ZNF710: variants seen among roughly 807,000 people sequenced by gnomAD.
The protein encoded by ZNF710 is zinc finger protein 710.
A neutral mutation model predicts 50.6 loss-of-function variants in ZNF710; 13 were observed. That is an observed-to-expected ratio of 0.26 (90% CI 0.17 to 0.41). The LOEUF (loss-of-function observed/expected upper bound fraction) is 0.41, where lower values mean the gene tolerates loss of function less well. Ranked by LOEUF, ZNF710 falls within the 10% of genes least tolerant of loss-of-function variation. ZNF710 has a pLI of 1.00. For synonymous variants in ZNF710, 383 were observed against 397.0 expected, an observed-to-expected ratio of 0.96 and a Z score of 0.42; for missense variants, 721 against 936.6, an observed-to-expected ratio of 0.77 and a Z score of 3.01.
intron 1 of ZNF710, among the ~76,000 whole-genome samples, chr15:90,044,322 C>T (rs887047322): frequency 6.6e-6 from 1 of 152,204 alleles, no homozygotes; most frequent in Admixed American, 6.5e-5. Flanking sequence ...AAGGCAGAGG[C>T]GGATGTGGTC....
rs138502669 is a variant in ZNF710 at position 90,028,225 on chromosome 15, T to C, written c.-29+26611T>C. On this transcript the variant is annotated intron_variant, in intron 1 of 4. Transcript: ENST00000268154. ...TAACATTTGCCATATTTGCTTCATC[T>C]GCACAGGTATATATATTTTTTCCTG... is the stretch of plus-strand genomic sequence containing the variant. Among the ~76,000 whole-genome samples, 1,335 of 152,348 alleles carry C rather than the reference T, an allele frequency of 8.8e-3. 23 individuals are homozygous for C. The highest frequency in any genetic ancestry group is 0.03 in the African/African-American group (1,229 of 41,572).
At chr15:90,021,013 C>G (rs1176666656) in intron 1 of ZNF710, among the ~76,000 whole-genome samples, 1 of 104,728 alleles carries the variant, frequency 9.5e-6, no homozygotes, top group Non-Finnish European at 2.3e-5. Flanking sequence ...TGTGGCACCC[C>G]CCCCCCCTTA....
intron 1 of ZNF710, among the ~76,000 whole-genome samples, chr15:90,014,778 C>G (rs1413419296): frequency 6.6e-6 from 1 of 152,020 alleles, no homozygotes; most frequent in Non-Finnish European, 1.5e-5. Flanking sequence ...AGGAGTCTCC[C>G]AGTTCTCAAA....
chr15:90,077,528 G>A (rs1431229575), intron 4 of ZNF710, among the ~76,000 whole-genome samples: 1 of 152,146 alleles, frequency 6.6e-6, no homozygotes, highest in African/African-American at 2.4e-5. Context: ...ACAGGCATGA[G>A]CCACTGCGCC....
chr15:90,011,964 T>C (rs1451388021), intron 1 of ZNF710, among the ~76,000 whole-genome samples: 1 of 152,168 alleles, frequency 6.6e-6, no homozygotes, highest in Admixed American at 6.5e-5. Context: ...CCCAGCACTT[T>C]GGGAGGCTGA....
In ZNF710 at chr15:90,010,939, T is replaced by G. The variant is rs1381129884; in HGVS notation, c.-29+9325T>G. On this transcript the variant is annotated intron_variant, in intron 1 of 4. Coordinates refer to ENST00000268154, the MANE Select transcript of ZNF710 (RefSeq NM_198526.4). ...GTTGTTGGTTTTTTGTTTTTTTTTT[T>G]TTTTTTTTTGAGACGGAGTCTCACT... Among the ~76,000 whole-genome samples the G allele has an allele frequency of 2.0e-3, 295 of 145,642 alleles. 1 individual carries two copies. The highest frequency in any genetic ancestry group is 7.0e-3 in the African/African-American group (279 of 39,796).
rs1899362229 is a variant in ZNF710, at chr15:90,043,433, A to G, written c.-28-23677A>G. Among the ~76,000 whole-genome samples, 3 of 152,238 alleles carry G rather than the reference A, an allele frequency of 2.0e-5. No individual in the cohort carries two copies. The South Asian group carries it at 6.2e-4, about 31-fold the overall frequency. ...CAGGGCAGGGAGCAGCCGACCCTGT[A>G]ATAAAGCTGATGGCTGCCGGCCTGT... On this transcript the variant is annotated intron_variant, in intron 1 of 4. Transcript: ENST00000268154.
rs986157293 is a variant in ZNF710, at chr15:90,067,670, C to T, written c.533C>T (p.Pro178Leu). 7 of 1,612,804 alleles carry T rather than the reference C, an allele frequency of 4.3e-6. No homozygotes were observed. The highest frequency in any genetic ancestry group is 2.2e-5 in the East Asian group (1 of 44,864). Residue 178 changes from proline to leucine, a missense_variant, in exon 2 of 5, where the codon CCG becomes CTG. This residue lies in a region of ZNF710 where 326 missense variants were observed against 347.1 expected (regional missense o/e 0.94). Transcript: ENST00000268154. This position sits in a 1 kb window ranked among gnomAD's most constrained non-coding sequence, Gnocchi z 8.1. The stretch of plus-strand genomic sequence containing the variant: ...ACGCTCCGGCATCTGCCCCGAACCC[C>T]GAGGCCGGAGCTGAACGTGGCCCCA... ...PRTLRHLPRT[P>L]RPELNVAPYD...
chr15:90,009,204 G>T (rs1262026954), intron 1 of ZNF710, among the ~76,000 whole-genome samples: 1 of 152,040 alleles, frequency 6.6e-6, no homozygotes, highest in Non-Finnish European at 1.5e-5. Context: ...AGACTGTCCT[G>T]CATGTGTTTG....
At chr15:90,071,307 A>C (rs951819088) in intron 2 of ZNF710, among the ~76,000 whole-genome samples, 1 of 150,314 alleles carries the variant, frequency 6.7e-6, no homozygotes, top group Non-Finnish European at 1.5e-5. Flanking sequence ...TAATACTGTG[A>C]AGAAAAGCTG....
intron 1 of ZNF710, among the ~76,000 whole-genome samples, chr15:90,020,670 T>C (rs1236245132): frequency 2.6e-5 from 4 of 152,182 alleles, no homozygotes; most frequent in Non-Finnish European, 5.9e-5. Context: ...GGGGTGGGCT[T>C]TGTTTAAATT....
intron 1 of ZNF710, among the ~76,000 whole-genome samples, chr15:90,064,938 G>C (rs971380469): frequency 7.2e-5 from 11 of 152,100 alleles, no homozygotes; most frequent in African/African-American, 2.7e-4. Flanking sequence ...GCATGACTTT[G>C]CTTAGTCACT....
chr15:90,048,205 C>T (rs1156298398), intron 1 of ZNF710, among the ~76,000 whole-genome samples: 2 of 152,386 alleles, frequency 1.3e-5, no homozygotes, highest in African/African-American at 4.8e-5. Context: ...GGGAGCATCC[C>T]ATGACTTCAT....
chr15:90,028,656 T>A (rs1898845644), intron 1 of ZNF710, among the ~76,000 whole-genome samples: 1 of 152,252 alleles, frequency 6.6e-6, no homozygotes, highest in Non-Finnish European at 1.5e-5. Flanking sequence ...CATTTGCCTC[T>A]TCCCTTTATC....
chr15:90,023,286 A>G (rs1393812299), intron 1 of ZNF710, among the ~76,000 whole-genome samples: 1 of 152,216 alleles, frequency 6.6e-6, no homozygotes, highest in East Asian at 1.9e-4. Flanking sequence ...GAGCCACTGG[A>G]CAGCCTGGTG....
chr15:90,077,808 C>T (rs1236055731), intron 4 of ZNF710, among the ~76,000 whole-genome samples: 1 of 152,122 alleles, frequency 6.6e-6, no homozygotes, highest in Non-Finnish European at 1.5e-5. Flanking sequence ...CCCAGCTACT[C>T]GGGAGGTTGA....
chr15:90,028,306 C>A (rs1898837172), intron 1 of ZNF710, among the ~76,000 whole-genome samples: 1 of 152,198 alleles, frequency 6.6e-6, no homozygotes, highest in South Asian at 2.1e-4. Context: ...AATAGTTCCG[C>A]ATACAAATCC....
Position 90,034,493 on chromosome 15 carries a change from G to A in ZNF710, c.-28-32617G>A, listed in dbSNP as rs932921107. 6.0e-5 allele frequency among the ~76,000 whole-genome samples: 9 copies of A among 150,766 alleles called. No individual in the cohort carries two copies. The highest frequency in any genetic ancestry group is 1.0e-4 in the Non-Finnish European group (7 of 67,692). Reference sequence around the variant, plus strand: ...GTGTGTGTATTCTGTGCCTGTGGTGGTGGTGGCCATGGTGTCGGCAGCAGC... The same window carrying A: ...GTGTGTGTATTCTGTGCCTGTGGTGATGGTGGCCATGGTGTCGGCAGCAGC... On this transcript the variant is annotated intron_variant, in intron 1 of 4. Transcript: ENST00000268154. The surrounding 1 kb of genome is among the most constrained non-coding windows in gnomAD (Gnocchi z 4.0).
Position 90,036,103 on chromosome 15 carries a change from C to T in ZNF710, c.-28-31007C>T. ...TTCTCAAGAGCTGGAGTGACTTCCA[C>T]TTCGAAGCGCAAGCACTTCACCTTC... On this transcript the variant is annotated intron_variant, in intron 1 of 4. Coordinates refer to ENST00000268154, the MANE Select transcript of ZNF710 (RefSeq NM_198526.4). Among the ~76,000 whole-genome samples, 2 of 152,198 alleles carry T rather than the reference C, an allele frequency of 1.3e-5. 1 individual carries two copies. Among genetic ancestry groups the T allele is most frequent in the African/African-American group, 4.8e-5 (2 of 41,454 alleles).
Sources: allele counts gnomAD v4.1 joint callset (sites outside exome capture counted in the v4.1 genomes callset), GRCh38; gene constraint gnomAD v4.1.1; regional missense constraint gnomAD v4.1.1; non-coding constraint Gnocchi (gnomAD v3.1); transcripts MANE v1.5; gene names NCBI Gene and HGNC (gene_info 2026-07-23, HGNC 2026-07-21).